VWF: variants seen among roughly 807,000 people sequenced by gnomAD.
VWF encodes the protein Factor VIII related antigen.
A neutral mutation model predicts 308.6 loss-of-function variants in VWF; 176 were observed. The ratio of observed to expected loss-of-function variants is 0.57; its 90% CI spans 0.50 to 0.65. The LOEUF (loss-of-function observed/expected upper bound fraction) is 0.65, where lower values mean the gene tolerates loss of function less well. Ranked by LOEUF, VWF falls within the 30% of genes least tolerant of loss-of-function variation. The pLI, the probability that VWF is intolerant of heterozygous loss-of-function variation, is 0.00. For synonymous variants in VWF, 1,385 were observed against 1,443.4 expected, an observed-to-expected ratio of 0.96 and a Z score of 0.92; for missense variants, 3,146 against 3,648.2, an observed-to-expected ratio of 0.86 and a Z score of 3.55.
rs1056962966 is a variant in VWF, at chr12:6,056,976, C to T, written c.1826G>A (p.Arg609His). Residue 609 changes from arginine (R) to histidine (H), a missense_variant, in exon 15 of 52, where the codon CGC (arginine) becomes CAC (histidine). By Grantham distance (29) the Arg-to-His change is conservative. Coordinates refer to ENST00000261405, the MANE Select transcript of VWF (RefSeq NM_000552.5). Reference protein sequence around the residue: ...VSPLPYLRNCRYDVCSCSDGR... With the variant: ...VSPLPYLRNCHYDVCSCSDGR... ...GTCCGAGCAGGAGCACACGTCGTAG[C>T]GGCAGTTCCGCAGGTAGGGCAGCGG... 1.3e-6 allele frequency: 2 copies of T among 1,543,356 alleles called. No individual in the cohort carries two copies. Among genetic ancestry groups the T allele is most frequent in the Admixed American group, 1.9e-5 (1 of 51,516 alleles).
chr12:5,970,857 G>T (rs1943464688), intron 44 of VWF, among the ~76,000 whole-genome samples: 1 of 152,226 alleles, frequency 6.6e-6, no homozygotes, highest in South Asian at 2.1e-4. Flanking sequence ...CCAGGACTTG[G>T]CACCACCCAC....
At chr12:6,083,104 C>A (rs1944932069) in intron 6 of VWF, among the ~76,000 whole-genome samples, 1 of 152,178 alleles carries the variant, frequency 6.6e-6, no homozygotes, top group African/African-American at 2.4e-5. Flanking sequence ...CTGCCTCTCG[C>A]AACCCATCAC....
intron 42 of VWF, among the ~76,000 whole-genome samples, chr12:5,979,921 G>A (rs1476951110): frequency 1.4e-5 from 2 of 147,334 alleles, no homozygotes; most frequent in Admixed American, 6.8e-5. Context: ...GGCGCCTGTA[G>A]TCCCAGCTAC....
At chr12:5,984,496 T>A (rs1298689889) in intron 40 of VWF, among the ~76,000 whole-genome samples, 3 of 152,264 alleles carry the variant, frequency 2.0e-5, no homozygotes, top group Non-Finnish European at 4.4e-5. Flanking sequence ...GTGCTTTAGG[T>A]CTTCATCTGT....
intron 19 of VWF, 47 bp downstream of exon 19, chr12:6,036,341 C>T: frequency 1.9e-6 from 3 of 1,583,700 alleles, no homozygotes; most frequent in Non-Finnish European, 1.7e-6. Flanking sequence ...ACCCTCACTC[C>T]ACCCGCAGGG....
chr12:6,056,148 T>G (rs753195844), intron 15 of VWF, among the ~76,000 whole-genome samples: 2 of 147,338 alleles, frequency 1.4e-5, no homozygotes, highest in African/African-American at 2.5e-5. Context: ...TTTCACTTAG[T>G]AGGATAGGTA....
In VWF at chr12:6,087,858, G is replaced by T. The variant is rs190268851; in HGVS notation, c.657+7602C>A. Among the ~76,000 whole-genome samples the T allele has an allele frequency of 5.9e-5, 9 of 152,220 alleles. No homozygotes were observed. In the East Asian group the frequency reaches 1.7e-3, roughly 29 times the overall value. On this transcript the variant is annotated intron_variant, in intron 6 of 51. Coordinates refer to ENST00000261405, the MANE Select transcript of VWF (RefSeq NM_000552.5). Reference sequence around the variant, plus strand: ...CTTCCACTTCAGACAGCTGTCGGAGGTTGCTGCTGCTGCTGAATGATTCAC... The same window carrying T: ...CTTCCACTTCAGACAGCTGTCGGAGTTTGCTGCTGCTGCTGAATGATTCAC...
At chr12:5,989,641 G>C (rs1031686645) in intron 38 of VWF, among the ~76,000 whole-genome samples, 3 of 152,178 alleles carry the variant, frequency 2.0e-5, no homozygotes, top group Non-Finnish European at 4.4e-5. Context: ...ATATTCTAAT[G>C]TGTTGGACTG....
intron 15 of VWF, among the ~76,000 whole-genome samples, chr12:6,055,944 A>G (rs1944574073): frequency 6.6e-6 from 1 of 151,628 alleles, no homozygotes; most frequent in Non-Finnish European, 1.5e-5. Flanking sequence ...AAACACATCT[A>G]CTTTACCCTA....
chr12:6,016,550 G>T lies in VWF; in HGVS notation c.5277C>A (p.Asp1759Glu), dbSNP rs41276736. The T allele has an allele frequency of 6.2e-7, 1 of 1,614,152 alleles. No homozygotes were observed. Among genetic ancestry groups the T allele is most frequent in the Non-Finnish European group, 8.5e-7 (1 of 1,180,036 alleles). Residue 1759 changes from aspartate to glutamate, a missense_variant, in exon 30 of 52, where the codon GAC becomes GAA. Around this residue, in one of 3 missense-constraint regions of VWF, gnomAD observed 853 missense variants for 1,177.8 expected, o/e 0.72. Transcript: ENST00000261405. ...PEKAHLLSLV[D>E]VMQREGGPSQ... is the part of the protein sequence containing the mutation. ...TGGGGCCTCCCTCCCGCTGCATGAC[G>T]TCCACAAGGCTCAGCAAATGGGCTT...
At position 6,075,103 on chromosome 12, in the gene VWF, G is replaced by T. The variant is rs911553909; in HGVS notation, c.874+232C>A. 2.6e-5 allele frequency among the ~76,000 whole-genome samples: 4 copies of T among 151,714 alleles called. No homozygotes were observed. The highest frequency in any genetic ancestry group is 2.1e-4 in the South Asian group (1 of 4,728). The stretch of plus-strand genomic sequence containing the variant: ...GAAGTCAGGGGGCGCCAGGGGAGGC[G>T]TGGGGGCGGGACGGAGGCAGGGGCA... On this transcript the variant is annotated intron_variant, in intron 7 of 51. Transcript: ENST00000261405. The surrounding 1 kb of genome is among the most constrained non-coding windows in gnomAD (Gnocchi z 4.7).
intron 10 of VWF, among the ~76,000 whole-genome samples, chr12:6,069,324 A>C (rs1944756360): frequency 6.6e-6 from 1 of 152,174 alleles, no homozygotes; most frequent in African/African-American, 2.4e-5. Flanking sequence ...AGGTCTGTCC[A>C]GCTGCAGAGC....
chr12:6,088,179 T>C (rs1214110822), intron 6 of VWF, among the ~76,000 whole-genome samples: 1 of 152,170 alleles, frequency 6.6e-6, no homozygotes, highest in Non-Finnish European at 1.5e-5. Context: ...TGAAGTTTCT[T>C]GAGAAAGGGG....
intron 22 of VWF, among the ~76,000 whole-genome samples, chr12:6,028,846 T>A (rs932137066): frequency 1.3e-5 from 2 of 152,054 alleles, no homozygotes; most frequent in African/African-American, 4.8e-5. Context: ...GAAGAAACGG[T>A]ATCAATTAAT....
intron 5 of VWF, among the ~76,000 whole-genome samples, chr12:6,109,325 C>T (rs1945279004): frequency 6.6e-6 from 1 of 151,236 alleles, no homozygotes; most frequent in South Asian, 2.1e-4. Context: ...AGTATATATA[C>T]ATATTTACAC....
intron 9 of VWF, 65 bp from the exon 10 acceptor site, chr12:6,071,408 T>C: frequency 6.3e-7 from 1 of 1,578,354 alleles, no homozygotes. Context: ...CAAATGGATT[T>C]AGAGCTCATG....
At chr12:6,031,231 C>T (rs1487825130) in intron 21 of VWF, among the ~76,000 whole-genome samples, 1 of 152,212 alleles carries the variant, frequency 6.6e-6, no homozygotes, top group Admixed American at 6.5e-5. Flanking sequence ...TGCACTGTCG[C>T]TAAAATGGGA....
At chr12:6,103,601 T>C (rs950089726) in intron 5 of VWF, among the ~76,000 whole-genome samples, 1 of 146,938 alleles carries the variant, frequency 6.8e-6, no homozygotes, top group East Asian at 2.0e-4. Context: ...TGGAATAGAA[T>C]AGACACCCAG....
chr12:6,030,435 G>A (rs745512862), intron 21 of VWF, among the ~76,000 whole-genome samples: 6 of 152,204 alleles, frequency 3.9e-5, no homozygotes, highest in Non-Finnish European at 5.9e-5. Context: ...AGGCAGAGCT[G>A]CAGGCTGAGG....
Sources: gnomAD v4.1 joint callset for allele counts (sites outside exome capture counted in the v4.1 genomes callset) on GRCh38, gnomAD v4.1.1 for gene constraint, gnomAD v4.1.1 regional missense constraint, Gnocchi (gnomAD v3.1) non-coding constraint, MANE v1.5 for transcripts, NCBI Gene and HGNC (gene_info 2026-07-23, HGNC 2026-07-21) for gene names.